Variants in ADGRB3 observed in about 807,000 individuals in gnomAD.
The protein encoded by ADGRB3 is adhesion G protein-coupled receptor B3.
A neutral mutation model predicts 193.4 loss-of-function variants in ADGRB3; 37 were observed. That is an observed-to-expected ratio of 0.19 (90% CI 0.15 to 0.25). ADGRB3 has a LOEUF of 0.25. ADGRB3 is among the 10% of genes least tolerant of loss of function. The pLI is 1.00. For synonymous variants in ADGRB3, 690 were observed against 644.2 expected (o/e 1.07, Z -1.08); for missense variants, 1,637 against 1,852.9 (o/e 0.88, Z 2.14).
At chr6:69,207,261 A>C (rs1765558718) in intron 17 of ADGRB3, among the ~76,000 whole-genome samples, 1 of 152,308 alleles carries the variant, frequency 6.6e-6, no homozygotes, top group East Asian at 1.9e-4. Context: ...CTAGTGGATC[A>C]CTAGGGGAGA....
chr6:68,653,263 CT>C (rs1372301056), intron 3 of ADGRB3, among the ~76,000 whole-genome samples: 2 of 152,110 alleles, frequency 1.3e-5, no homozygotes, highest in Admixed American at 6.6e-5. Flanking sequence ...AGGAATAAAA[CT>C]TCCTTTTTTG....
intron 20 of ADGRB3, among the ~76,000 whole-genome samples, chr6:69,317,498 T>TA (rs1404601632): frequency 6.6e-6 from 1 of 151,500 alleles, no homozygotes; most frequent in Admixed American, 6.6e-5. Flanking sequence ...AAGTTTCAGC[T>TA]ATTCTGTACG....
At position 69,106,999 on chromosome 6, in the gene ADGRB3, C is replaced by T. The variant is rs147124578; in HGVS notation, c.2480+30961C>T. On this transcript the variant is annotated intron_variant, in intron 17 of 31. Transcript: ENST00000370598. ...ACTTGAATATAAATGTAGCCAAATC[C>T]TCCAGTCTCTCAAAACTTGCATTAC... is the stretch of plus-strand genomic sequence containing the variant. 2.0e-3 allele frequency among the ~76,000 whole-genome samples: 297 copies of T among 152,230 alleles called. 1 individual carries two copies. Among genetic ancestry groups the T allele is most frequent in the Non-Finnish European group, 3.3e-3 (227 of 68,010 alleles).
chr6:69,168,535 T>A (rs1775188719), intron 17 of ADGRB3, among the ~76,000 whole-genome samples: 1 of 152,124 alleles, frequency 6.6e-6, no homozygotes, highest in Admixed American at 6.6e-5. Context: ...TCTCCATGAA[T>A]CACCCCACAT....
Position 69,343,162 on chromosome 6 carries a change from T to G in ADGRB3, c.3459+3658T>G, listed in dbSNP as rs190796572. 3.3e-3 allele frequency among the ~76,000 whole-genome samples: 498 copies of G among 151,638 alleles called. 2 individuals are homozygous for G. The highest frequency in any genetic ancestry group is 0.011 in the African/African-American group (466 of 41,448). On this transcript the variant is annotated intron_variant, in intron 26 of 31. Coordinates refer to ENST00000370598, the MANE Select transcript of ADGRB3 (RefSeq NM_001704.3). ...TTTTATTTTTTTTATTTTTTTTTATTTTTTTTTCCTGCCTTTGTAATTCTT... is the reference window on the plus strand; with the variant it reads ...TTTTATTTTTTTTATTTTTTTTTATGTTTTTTTCCTGCCTTTGTAATTCTT...
At chr6:69,111,735 C>G (rs551540317) in intron 17 of ADGRB3, among the ~76,000 whole-genome samples, 2 of 152,282 alleles carry the variant, frequency 1.3e-5, no homozygotes, top group Admixed American at 1.3e-4. Flanking sequence ...ATGCAATAAA[C>G]TATTTTAAAT....
chr6:68,928,963 T>C (rs529930431), intron 3 of ADGRB3, among the ~76,000 whole-genome samples: 28 of 152,270 alleles, frequency 1.8e-4, no homozygotes, highest in African/African-American at 6.7e-4. Context: ...GGATAGTCAG[T>C]CTAGATATAA....
intron 20 of ADGRB3, among the ~76,000 whole-genome samples, chr6:69,298,397 T>C (rs992607571): frequency 2.6e-5 from 4 of 152,058 alleles, no homozygotes; most frequent in African/African-American, 7.2e-5. Flanking sequence ...GGGGTACATG[T>C]GAATTCTACT....
chr6:69,006,208 G>T (rs1769745443), intron 11 of ADGRB3, among the ~76,000 whole-genome samples: 1 of 152,004 alleles, frequency 6.6e-6, no homozygotes, highest in African/African-American at 2.4e-5. Flanking sequence ...ATACTATGAG[G>T]TAGAGTTGAA....
intron 23 of ADGRB3, among the ~76,000 whole-genome samples, chr6:69,331,380 G>C (rs940020997): frequency 4.6e-5 from 7 of 152,076 alleles, no homozygotes; most frequent in Non-Finnish European, 7.4e-5. Flanking sequence ...AGGGAGGAAA[G>C]AAACTGTCTA....
chr6:68,789,776 A>C (rs1418269127), intron 3 of ADGRB3, among the ~76,000 whole-genome samples: 213 of 143,084 alleles, frequency 1.5e-3, no homozygotes, highest in South Asian at 2.7e-3. Flanking sequence ...TCTCCCCATC[A>C]CTTTCAGGTA....
At chr6:68,656,759 C>T (rs1768498820) in intron 3 of ADGRB3, among the ~76,000 whole-genome samples, 1 of 151,552 alleles carries the variant, frequency 6.6e-6, no homozygotes, top group South Asian at 2.1e-4. Flanking sequence ...TTCATATTCA[C>T]ATATTTCAGA....
intron 17 of ADGRB3, among the ~76,000 whole-genome samples, chr6:69,104,939 T>C (rs984414018): frequency 6.6e-6 from 1 of 152,216 alleles, no homozygotes. Flanking sequence ...GATATCATAA[T>C]CAACATACAA....
chr6:69,053,170 G>A (rs1771448079), intron 15 of ADGRB3, among the ~76,000 whole-genome samples: 1 of 152,052 alleles, frequency 6.6e-6, no homozygotes, highest in Non-Finnish European at 1.5e-5. Context: ...CTGGGTGACA[G>A]AGCAAGATTC....
chr6:69,177,314 T>G (rs1009988615), intron 17 of ADGRB3, among the ~76,000 whole-genome samples: 2 of 152,152 alleles, frequency 1.3e-5, no homozygotes, highest in Admixed American at 6.6e-5. Flanking sequence ...TCCCAGATAT[T>G]TTGGTATGTT....
At chr6:69,286,143 G>A (rs555431339) in intron 20 of ADGRB3, among the ~76,000 whole-genome samples, 2 of 152,084 alleles carry the variant, frequency 1.3e-5, no homozygotes, top group South Asian at 2.1e-4. Flanking sequence ...GGAAAGTCTG[G>A]CATTGGCTAC....
At chr6:69,067,196 A>G (rs1771935860) in intron 16 of ADGRB3, among the ~76,000 whole-genome samples, 1 of 152,066 alleles carries the variant, frequency 6.6e-6, no homozygotes, top group Non-Finnish European at 1.5e-5. Context: ...TCCAAATGGT[A>G]TAGGTAGGGT....
intron 20 of ADGRB3, among the ~76,000 whole-genome samples, chr6:69,254,201 G>T (rs1247186468): frequency 6.6e-6 from 1 of 152,122 alleles, no homozygotes; most frequent in Non-Finnish European, 1.5e-5. Flanking sequence ...TCACTGATTA[G>T]ATTTTTAAAA....
At chr6:68,699,622 C>A (rs1310927482) in intron 3 of ADGRB3, among the ~76,000 whole-genome samples, 3 of 151,652 alleles carry the variant, frequency 2.0e-5, no homozygotes, top group Non-Finnish European at 4.4e-5. Context: ...ATTTGAGACC[C>A]AAATCAGGCC....
Sources: gnomAD v4.1 joint callset for allele counts (sites outside exome capture counted in the v4.1 genomes callset) on GRCh38, gnomAD v4.1.1 for gene constraint, MANE v1.5 for transcripts, NCBI Gene and HGNC (gene_info 2026-07-23, HGNC 2026-07-21) for gene names.